Variants in DLGAP1 observed in about 807,000 individuals in gnomAD.
DLGAP1 encodes the protein disks large-associated protein 1.
Under a neutral mutation model 90.8 loss-of-function variants are expected in DLGAP1, and 11 were observed. The ratio of observed to expected loss-of-function variants is 0.12; its 90% confidence interval spans 0.08 to 0.20. DLGAP1 has a LOEUF of 0.20. Among genes scored for constraint, DLGAP1 ranks in the 10% least tolerant of loss-of-function variants. The probability of loss-of-function intolerance (pLI) is 1.00; values close to 1 mark genes in which losing one functional copy is unlikely to be tolerated. For synonymous variants in DLGAP1, 558 were observed against 540.7 expected, an observed-to-expected ratio of 1.03 and a Z score of -0.44; for missense variants, 1,050 against 1,333.8, an observed-to-expected ratio of 0.79 and a Z score of 3.31.
intron 1 of DLGAP1, among the ~76,000 whole-genome samples, chr18:4,356,405 T>C (rs1342038090): frequency 1.3e-5 from 2 of 152,194 alleles, no homozygotes; most frequent in Non-Finnish European, 2.9e-5. Context: ...AAAATTTACA[T>C]GACCAAAACT....
At chr18:3,718,270 C>T (rs1007032735) in intron 7 of DLGAP1, among the ~76,000 whole-genome samples, 1 of 151,754 alleles carries the variant, frequency 6.6e-6, no homozygotes, top group African/African-American at 2.4e-5. Context: ...ACCAGCCTGG[C>T]CAAGATGGTG....
chr18:3,939,043 G>A (rs1458720612), intron 3 of DLGAP1, among the ~76,000 whole-genome samples: 1 of 152,162 alleles, frequency 6.6e-6, no homozygotes, highest in East Asian at 1.9e-4. Context: ...GGAATAGACA[G>A]GGAAGAGGTG....
At chr18:3,522,078 T>G (rs678742) in intron 10 of DLGAP1, among the ~76,000 whole-genome samples, 1 of 150,054 alleles carries the variant, frequency 6.7e-6, no homozygotes. Flanking sequence ...TGAATTATAT[T>G]TCCTTATATT....
intron 1 of DLGAP1, among the ~76,000 whole-genome samples, chr18:4,173,700 G>C (rs898909644): frequency 6.6e-6 from 1 of 152,212 alleles, no homozygotes; most frequent in African/African-American, 2.4e-5. Context: ...ATGCACATAT[G>C]AATCCAGCCA....
chr18:4,030,750 T>C (rs555711222), intron 2 of DLGAP1, among the ~76,000 whole-genome samples: 37 of 152,130 alleles, frequency 2.4e-4, no homozygotes, highest in African/African-American at 8.7e-4. Context: ...GTGAAACCCA[T>C]TGTCTACCAA....
intron 4 of DLGAP1, among the ~76,000 whole-genome samples, chr18:3,814,698 G>A (rs2067014781): frequency 6.6e-6 from 1 of 152,116 alleles, no homozygotes; most frequent in Non-Finnish European, 1.5e-5. Context: ...GAGTACATGA[G>A]CTATTTTGAT....
chr18:3,688,162 C>T (rs777986126), intron 7 of DLGAP1, among the ~76,000 whole-genome samples: 21 of 152,104 alleles, frequency 1.4e-4, no homozygotes, highest in African/African-American at 2.9e-4. Context: ...CCAACGGCCT[C>T]GGCCTCCCAA....
At chr18:4,006,565 T>C (rs911528699) in intron 2 of DLGAP1, among the ~76,000 whole-genome samples, 8 of 152,050 alleles carry the variant, frequency 5.3e-5, no homozygotes, top group Admixed American at 1.3e-4. Context: ...ATCATAGTTA[T>C]CGCAAGCAGC....
At chr18:4,239,545 G>A (rs1023993903) in intron 1 of DLGAP1, among the ~76,000 whole-genome samples, 4 of 151,748 alleles carry the variant, frequency 2.6e-5, no homozygotes, top group African/African-American at 4.8e-5. Context: ...TCTTTTTTTC[G>A]TATGGAAGTG....
At chr18:4,116,414 T>C (rs891294260) in intron 2 of DLGAP1, among the ~76,000 whole-genome samples, 1 of 152,186 alleles carries the variant, frequency 6.6e-6, no homozygotes, top group African/African-American at 2.4e-5. Context: ...TTTTCAGACA[T>C]TGTTTCCTTG....
chr18:3,511,068 A>G (rs987155079), intron 10 of DLGAP1, among the ~76,000 whole-genome samples: 2 of 152,070 alleles, frequency 1.3e-5, no homozygotes, highest in African/African-American at 4.8e-5. Context: ...GAAATTCCCT[A>G]CTGGCTCCAG....
intron 1 of DLGAP1, among the ~76,000 whole-genome samples, chr18:4,164,636 C>A (rs2076903172): frequency 6.6e-6 from 1 of 152,052 alleles, no homozygotes; most frequent in Non-Finnish European, 1.5e-5. Context: ...GCCAAGATCG[C>A]ACCACTGCTC....
chr18:3,507,214 G>A (rs951857640), intron 11 of DLGAP1, among the ~76,000 whole-genome samples: 26 of 152,084 alleles, frequency 1.7e-4, no homozygotes, highest in Admixed American at 1.2e-3. Flanking sequence ...CTGGCCAAGT[G>A]CGATGGCGTG....
At chr18:4,055,218 T>G (rs114514292) in intron 2 of DLGAP1, among the ~76,000 whole-genome samples, 5,610 of 152,230 alleles carry the variant, frequency 0.037, 187 homozygotes, top group African/African-American at 0.082. Flanking sequence ...CATTTCCAAG[T>G]TCACCACAGC....
chr18:3,867,546 G>A (rs914795194), intron 4 of DLGAP1, among the ~76,000 whole-genome samples: 2 of 152,104 alleles, frequency 1.3e-5, no homozygotes, highest in African/African-American at 4.8e-5. Context: ...TAAGATCAGT[G>A]AACGAAGAAA....
chr18:3,855,771 A>G (rs1317223374), intron 4 of DLGAP1, among the ~76,000 whole-genome samples: 1 of 152,004 alleles, frequency 6.6e-6, no homozygotes, highest in Non-Finnish European at 1.5e-5. Context: ...GTGCCACCAC[A>G]CCAGGCTAAT....
chr18:3,608,457 G>A (rs543289343), intron 7 of DLGAP1: 5 of 152,044 alleles, frequency 3.3e-5, no homozygotes, highest in African/African-American at 7.2e-5. Flanking sequence ...AAATTATTTT[G>A]CCATCTTAGT....
chr18:3,631,054 C>T (rs1360154412), intron 7 of DLGAP1, among the ~76,000 whole-genome samples: 3 of 152,018 alleles, frequency 2.0e-5, no homozygotes, highest in East Asian at 3.9e-4. Flanking sequence ...AATTTCGGCT[C>T]ATTGCATCCT....
intron 1 of DLGAP1, among the ~76,000 whole-genome samples, chr18:4,451,560 T>C (rs1278208563): frequency 1.3e-5 from 2 of 152,156 alleles, no homozygotes; most frequent in Non-Finnish European, 2.9e-5. Context: ...AACAGCATCT[T>C]TGGCAATTCC....
Sources: gnomAD v4.1 joint callset for allele counts (sites outside exome capture counted in the v4.1 genomes callset) on GRCh38, gnomAD v4.1.1 for gene constraint, MANE v1.5 for transcripts, NCBI Gene and HGNC (gene_info 2026-07-23, HGNC 2026-07-21) for gene names.